Variants in CYB5R3 observed in about 807,000 individuals in gnomAD.
CYB5R3 encodes cytochrome b5 reductase 3, also known as NADH-cytochrome b5 reductase 3.
In CYB5R3, 28 loss-of-function variants were observed where a neutral mutation model predicts 36.5. That is an observed-to-expected ratio of 0.77 (90% CI 0.57 to 1.05). The LOEUF is 1.05. Ranked by LOEUF, CYB5R3 falls within the 50% of genes least tolerant of loss-of-function variation. CYB5R3 has a pLI of 0.00. For synonymous variants in CYB5R3, 181 were observed against 159.8 expected (o/e 1.13, Z -1.00); for missense variants, 474 against 408.9 (o/e 1.16, Z -1.37).
chr22:42,622,974 A>G (rs774839765), intron 8 of CYB5R3, among the ~76,000 whole-genome samples: 4 of 152,234 alleles, frequency 2.6e-5, no homozygotes, highest in African/African-American at 4.8e-5. Context: ...CTGGCCACAC[A>G]GGGCTATACT....
chr22:42,618,382 A>G lies in CYB5R3; in HGVS notation c.*1391T>C, dbSNP rs1026505489. 5.3e-5 allele frequency: 8 copies of G among 150,950 alleles called. No individual in the cohort carries two copies. The highest frequency in any genetic ancestry group is 2.0e-4 in the African/African-American group (8 of 40,668). 9.4% of individuals were successfully genotyped at this position (150,950 alleles called of 1,614,324 possible). ...GAAACCCCGTCTCTACTAAAAATAC[A>G]AAAAATTAGCCGGGCGTAGTGGCGG... On this transcript the variant is annotated 3_prime_UTR_variant, in exon 9 of 9. Transcript: ENST00000352397.
chr22:42,623,407 G>A (rs1323374897), intron 8 of CYB5R3, among the ~76,000 whole-genome samples: 4 of 152,150 alleles, frequency 2.6e-5, no homozygotes, highest in Non-Finnish European at 4.4e-5. Flanking sequence ...GGTGTAACTC[G>A]GCAGCACCTG....
rs185484666 is a variant in CYB5R3 at position 42,637,577 on chromosome 22, C to T, written c.22-731G>A. 4.4e-4 allele frequency among the ~76,000 whole-genome samples: 67 copies of T among 152,282 alleles called. No homozygotes were observed. The East Asian group carries it at 0.011, about 24-fold the overall frequency. ...GGGAAGGTCACTGGCTGTGTGACCC[C>T]GAGAAAGTCCCTTCCCCTCTCAACC... is the stretch of plus-strand genomic sequence containing the variant. On this transcript the variant is annotated intron_variant, in intron 1 of 8. Transcript: ENST00000352397.
intron 7 of CYB5R3, among the ~76,000 whole-genome samples, chr22:42,625,882 G>C (rs905478467): frequency 2.6e-5 from 4 of 152,300 alleles, no homozygotes; most frequent in Admixed American, 6.5e-5. Context: ...ACTTTCCAGA[G>C]GCTGCGTGAC....
chr22:42,623,838 T>C lies in CYB5R3; in HGVS notation c.684A>G (p.Lys228=). The part of the protein sequence containing the change: ...LRPELEELRN[K]HSARFKLWYT... ...ACCAGAGCTTGAAGCGTGCAGAATG[T>C]TTGTTCCTGAGTTCCTCCAGCTCAG... The change falls in exon 8 of 9, where the codon AAA becomes AAG. Residue 228 remains lysine (K), a synonymous_variant. Coordinates refer to ENST00000352397, the MANE Select transcript of CYB5R3 (RefSeq NM_000398.7). 6.2e-7 allele frequency: 1 copy of C among 1,614,088 alleles called. No homozygotes were observed. Among genetic ancestry groups the C allele is most frequent in the Non-Finnish European group, 8.5e-7 (1 of 1,179,968 alleles).
chr22:42,637,876 G>A (rs1486016450), intron 1 of CYB5R3, among the ~76,000 whole-genome samples: 1 of 152,190 alleles, frequency 6.6e-6, no homozygotes, highest in African/African-American at 2.4e-5. Context: ...GATACCTCAT[G>A]ACCAAGTGGA....
intron 7 of CYB5R3, among the ~76,000 whole-genome samples, chr22:42,625,909 A>G (rs1256100024): frequency 1.3e-5 from 2 of 152,196 alleles, no homozygotes; most frequent in Admixed American, 1.3e-4. Context: ...CATCACACAG[A>G]TGGGATGTAG....
chr22:42,630,861 G>T, intron 4 of CYB5R3, 21 bp downstream of exon 4: 1 of 1,599,056 alleles, frequency 6.3e-7, no homozygotes, highest in South Asian at 1.1e-5. Context: ...CCCCTCCACA[G>T]TCATGACCCA....
intron 1 of CYB5R3, chr22:42,646,500 C>T (rs775065303): frequency 3.3e-5 from 8 of 243,616 alleles, no homozygotes; most frequent in Non-Finnish European, 4.6e-5. Flanking sequence ...CCCACTGGGA[C>T]CCTGGCCTCC....
intron 4 of CYB5R3, 59 bp from the exon 5 acceptor site, chr22:42,628,340 G>C: frequency 6.2e-7 from 1 of 1,605,920 alleles, no homozygotes; most frequent in East Asian, 2.2e-5. Flanking sequence ...GCGAGCTCTT[G>C]CCCACAGTGG....
rs761803876 is a variant in CYB5R3, at chr22:42,631,625, G to A, written c.154-175C>T. 140 of 660,734 alleles carry A rather than the reference G, an allele frequency of 2.1e-4. 2 individuals carry two copies. Among genetic ancestry groups the A allele is most frequent in the South Asian group, 8.1e-4 (47 of 58,150 alleles). The allele number at this position is 660,734 out of a possible 1,614,324, so 40.9% of individuals were successfully genotyped here. On this transcript the variant is annotated intron_variant, in intron 2 of 8. Transcript: ENST00000352397. ...CAAGCACAGATGCACACACATGCAC[G>A]CTGCGTGTGAGGTGCTGAGGCCAGG...
chr22:42,634,192 A>C (rs1928759714), intron 2 of CYB5R3, among the ~76,000 whole-genome samples: 1 of 144,946 alleles, frequency 6.9e-6, no homozygotes, highest in South Asian at 2.1e-4. Context: ...ACTCTACTAA[A>C]AATACAAAAA....
chr22:42,634,799 T>TATTG lies in CYB5R3; in HGVS notation c.153+1912_153+1915dup, dbSNP rs1219377421. Among the ~76,000 whole-genome samples, 20 of 88,174 alleles carry TATTG rather than the reference T, an allele frequency of 2.3e-4. 1 individual carries two copies. Among genetic ancestry groups the TATTG allele is most frequent in the African/African-American group, 8.1e-4 (17 of 20,872 alleles). 57.8% of individuals were successfully genotyped at this position (88,174 alleles called of 152,430 possible). ...TGCCACCACGCCCGGCTAATTTTCA[T>TATTG]ATTGATTGATTGATTGATTGATTGA... On this transcript the variant is annotated intron_variant, in intron 2 of 8. Transcript: ENST00000352397.
At chr22:42,632,657 T>C (rs1928681294) in intron 2 of CYB5R3, 1 of 152,270 alleles carries the variant, frequency 6.6e-6, no homozygotes, top group Non-Finnish European at 1.5e-5. Context: ...CTTCTGGAAG[T>C]GGATTCCAGG....
intron 6 of CYB5R3, 25 bp from the exon 7 acceptor site, chr22:42,627,414 G>T: frequency 6.2e-7 from 1 of 1,610,364 alleles, no homozygotes; most frequent in Non-Finnish European, 8.5e-7. Flanking sequence ...GCCGGGCCTC[G>T]CACGTGCTGA....
chr22:42,644,099 C>A (rs1213906104), intron 1 of CYB5R3, among the ~76,000 whole-genome samples: 2 of 152,116 alleles, frequency 1.3e-5, no homozygotes, highest in East Asian at 3.9e-4. Context: ...ATGAAGTGAC[C>A]TGCCAAGGTC....
chr22:42,623,564 G>A (rs1928099425), intron 8 of CYB5R3, among the ~76,000 whole-genome samples: 2 of 152,212 alleles, frequency 1.3e-5, no homozygotes, highest in Non-Finnish European at 2.9e-5. Context: ...TCTGCCTCTG[G>A]AGGCGAGGAC....
At chr22:42,624,861 G>A (rs1189868042) in intron 7 of CYB5R3, among the ~76,000 whole-genome samples, 2 of 152,104 alleles carry the variant, frequency 1.3e-5, no homozygotes, top group African/African-American at 4.8e-5. Flanking sequence ...TCCCAGGGCT[G>A]GGGAACTGCA....
At chr22:42,631,684 A>T (rs952422376) in intron 2 of CYB5R3, 89 of 587,522 alleles carry the variant, frequency 1.5e-4, no homozygotes, top group Middle Eastern at 9.1e-4. Flanking sequence ...GCTGGCCTAG[A>T]GGGGCCACAA....
Sources: gnomAD v4.1 joint callset for allele counts (sites outside exome capture counted in the v4.1 genomes callset) on GRCh38, gnomAD v4.1.1 for gene constraint, MANE v1.5 for transcripts, NCBI Gene and HGNC (gene_info 2026-07-23, HGNC 2026-07-21) for gene names.